SGCZ: variants seen among roughly 807,000 people sequenced by gnomAD.
SGCZ encodes sarcoglycan zeta.
SGCZ carries 40 observed loss-of-function variants against 41.3 expected under a neutral mutation model. That is an observed-to-expected ratio of 0.97 (90% CI 0.75 to 1.26). SGCZ has a LOEUF of 1.26. Ranked by LOEUF, SGCZ falls within the 50% of genes most tolerant of loss-of-function variation. The probability of loss-of-function intolerance (pLI) is 0.00; values close to 1 mark genes in which losing one functional copy is unlikely to be tolerated. For missense variants in SGCZ, 552 were observed against 369.8 expected (o/e 1.49, Z -4.04); for synonymous variants, 206 against 137.5 (o/e 1.50, Z -3.49).
chr8:14,715,403 G>C (rs1809655081), intron 1 of SGCZ, among the ~76,000 whole-genome samples: 1 of 152,114 alleles, frequency 6.6e-6, no homozygotes, highest in Non-Finnish European at 1.5e-5. Flanking sequence ...CCTAAGCGAA[G>C]ACTGTGGTAT....
chr8:14,718,653 C>G (rs1185277354), intron 1 of SGCZ, among the ~76,000 whole-genome samples: 2 of 6,362 alleles, frequency 3.1e-4, no homozygotes, highest in Non-Finnish European at 4.0e-4. Flanking sequence ...CAGGAGTATG[C>G]TATAATAAAA....
intron 2 of SGCZ, among the ~76,000 whole-genome samples, chr8:14,359,820 A>G (rs1171622398): frequency 6.6e-6 from 1 of 152,006 alleles, no homozygotes; most frequent in African/African-American, 2.4e-5. Flanking sequence ...AAAAAGAAAA[A>G]AAAAAAAAAC....
intron 2 of SGCZ, among the ~76,000 whole-genome samples, chr8:14,546,127 A>G (rs1177112991): frequency 3.9e-5 from 6 of 152,196 alleles, no homozygotes; most frequent in Admixed American, 3.9e-4. Flanking sequence ...TTGCAACATT[A>G]ACGATATCAT....
At chr8:15,042,602 A>C (rs1804146500) in intron 1 of SGCZ, among the ~76,000 whole-genome samples, 1 of 152,206 alleles carries the variant, frequency 6.6e-6, no homozygotes, top group Non-Finnish European at 1.5e-5. Flanking sequence ...ATATGGGTTA[A>C]TACATGTTGC....
intron 1 of SGCZ, among the ~76,000 whole-genome samples, chr8:15,221,209 A>T (rs939920907): frequency 6.6e-6 from 1 of 152,218 alleles, no homozygotes; most frequent in African/African-American, 2.4e-5. Flanking sequence ...AGAAGTCAAA[A>T]TCAACATGAA....
chr8:14,556,396 T>C (rs780729444), intron 1 of SGCZ, among the ~76,000 whole-genome samples: 9 of 151,934 alleles, frequency 5.9e-5, no homozygotes, highest in Non-Finnish European at 1.2e-4. Flanking sequence ...ACAATTATCA[T>C]TGTAATGTTC....
At chr8:14,559,563 C>T (rs1804145319) in intron 1 of SGCZ, among the ~76,000 whole-genome samples, 1 of 152,030 alleles carries the variant, frequency 6.6e-6, no homozygotes, top group Non-Finnish European at 1.5e-5. Flanking sequence ...CTTCCCAAAG[C>T]AATCTACAAA....
At chr8:14,219,803 T>G (rs1398569444) in intron 4 of SGCZ, among the ~76,000 whole-genome samples, 1 of 151,730 alleles carries the variant, frequency 6.6e-6, no homozygotes, top group Admixed American at 6.6e-5. Flanking sequence ...TTCACCATAT[T>G]CACCTGACCT....
At position 14,576,158 on chromosome 8, in the gene SGCZ, G is replaced by C. The variant is rs560979278; in HGVS notation, c.40-21232C>G. On this transcript the variant is annotated intron_variant, in intron 1 of 7. Coordinates refer to ENST00000382080, the MANE Select transcript of SGCZ (RefSeq NM_139167.4). ...ACTTGTATGTGAGATTTGTGCTTTAGGTACCTGCCTTATAAAATGAGAGCC... is the reference window on the plus strand; with the variant it reads ...ACTTGTATGTGAGATTTGTGCTTTACGTACCTGCCTTATAAAATGAGAGCC... 2.0e-5 allele frequency among the ~76,000 whole-genome samples: 3 copies of C among 152,226 alleles called. No homozygotes were observed. The East Asian group carries it at 5.8e-4, about 29-fold the overall frequency.
chr8:14,581,445 T>G (rs910164259), intron 1 of SGCZ, among the ~76,000 whole-genome samples: 97 of 151,724 alleles, frequency 6.4e-4, no homozygotes, highest in African/African-American at 1.9e-3. Context: ...TTGTTTGTTT[T>G]TTTGTTTTTT....
intron 3 of SGCZ, among the ~76,000 whole-genome samples, chr8:14,246,358 T>C (rs745825496): frequency 9.9e-5 from 15 of 151,040 alleles, no homozygotes; most frequent in South Asian, 8.4e-4. Context: ...AAAAAACCAA[T>C]CACTGCATGT....
At chr8:14,560,867 A>C (rs544196885) in intron 1 of SGCZ, among the ~76,000 whole-genome samples, 1 of 146,512 alleles carries the variant, frequency 6.8e-6, no homozygotes, top group African/African-American at 2.5e-5. Flanking sequence ...AAAAAAACAA[A>C]ACACAAAAAA....
chr8:14,966,071 C>G (rs1204193048), intron 1 of SGCZ, among the ~76,000 whole-genome samples: 2 of 151,822 alleles, frequency 1.3e-5, no homozygotes, highest in African/African-American at 4.8e-5. Context: ...GTCAACAAGA[C>G]TTAAAAACTG....
intron 1 of SGCZ, among the ~76,000 whole-genome samples, chr8:14,796,760 G>C (rs984063341): frequency 6.6e-6 from 1 of 152,154 alleles, no homozygotes; most frequent in East Asian, 1.9e-4. Flanking sequence ...TCAAATTGCA[G>C]TTCCTAGAAT....
At chr8:14,217,367 A>G (rs376614973) in intron 4 of SGCZ, among the ~76,000 whole-genome samples, 18 of 151,016 alleles carry the variant, frequency 1.2e-4, no homozygotes, top group African/African-American at 3.9e-4. Flanking sequence ...AAATGGATAC[A>G]TGTATAACTG....
Position 14,171,288 on chromosome 8 carries a change from T to C in SGCZ, c.425-6586A>G, listed in dbSNP as rs542265272. On this transcript the variant is annotated intron_variant, in intron 4 of 7. Coordinates refer to ENST00000382080, the MANE Select transcript of SGCZ (RefSeq NM_139167.4). ...TCATACTTCATTTTTCTTTCTACCA[T>C]GCATTTTCTGATATTTTGTTTCAAA... 5.3e-5 allele frequency among the ~76,000 whole-genome samples: 8 copies of C among 152,136 alleles called. No homozygotes were observed. The South Asian group carries it at 1.7e-3, about 32-fold the overall frequency.
At chr8:14,125,442 C>T (rs532083333) in intron 5 of SGCZ, among the ~76,000 whole-genome samples, 5 of 150,132 alleles carry the variant, frequency 3.3e-5, no homozygotes, top group Non-Finnish European at 4.4e-5. Flanking sequence ...AGGCAGAGCT[C>T]GCAGTGAGCC....
At chr8:14,206,660 T>C (rs1361415803) in intron 4 of SGCZ, among the ~76,000 whole-genome samples, 1 of 152,146 alleles carries the variant, frequency 6.6e-6, no homozygotes, top group East Asian at 1.9e-4. Flanking sequence ...AACAGATTTA[T>C]TCTGTTTATA....
intron 1 of SGCZ, among the ~76,000 whole-genome samples, chr8:15,013,094 G>C (rs141274230): frequency 6.6e-6 from 1 of 152,202 alleles, no homozygotes; most frequent in East Asian, 1.9e-4. Flanking sequence ...TACCTGGTTT[G>C]TATTAAAGGA....
Sources: allele counts gnomAD v4.1 joint callset (sites outside exome capture counted in the v4.1 genomes callset), GRCh38; gene constraint gnomAD v4.1.1; transcripts MANE v1.5; gene names NCBI Gene and HGNC (gene_info 2026-07-23, HGNC 2026-07-21).